SLC2A11: variants seen among roughly 807,000 people sequenced by gnomAD.
SLC2A11 encodes the protein solute carrier family 2, facilitated glucose transporter member 11.
In SLC2A11, 43 loss-of-function variants were observed where a neutral mutation model predicts 52.1. That is an observed-to-expected ratio of 0.82 (90% CI 0.65 to 1.06). The LOEUF (loss-of-function observed/expected upper bound fraction) is 1.06. Among genes scored for constraint, SLC2A11 ranks in the 50% least tolerant of loss-of-function variants. The pLI is 0.00. For missense variants in SLC2A11, 582 were observed against 654.2 expected (o/e 0.89, Z 1.20); for synonymous variants, 261 against 277.6 (o/e 0.94, Z 0.59).
Position 23,882,774 on chromosome 22 carries a change from T to G in SLC2A11, c.898T>G (p.Ser300Ala). The G allele has an allele frequency of 4.3e-6, 7 of 1,613,022 alleles. No individual in the cohort carries two copies. The highest frequency in any genetic ancestry group is 5.9e-6 in the Non-Finnish European group (7 of 1,179,534). Residue 300 changes from serine (S) to alanine (A), a missense_variant, in exon 8 of 12, where the codon TCC becomes GCC. Ser to Ala is a moderately conservative substitution (Grantham distance 99). Transcript: ENST00000316185. ...CCTCTCCCAGGTGTACGCCTACGCC[T>G]CCTCCGTGTTCCGGAAGGCAGGAGT... is the stretch of plus-strand genomic sequence containing the variant. ...CGNDSVYAYA[S>A]SVFRKAGVPE...
chr22:23,879,059 G>A (rs771197314), intron 6 of SLC2A11, among the ~76,000 whole-genome samples: 1 of 152,170 alleles, frequency 6.6e-6, no homozygotes, highest in Admixed American at 6.5e-5. Flanking sequence ...CTGCCTTGGG[G>A]GTAGGGAGTA....
rs192262731 is a variant in SLC2A11 at position 23,869,090 on chromosome 22, A to T, written c.290+449A>T. On this transcript the variant is annotated intron_variant, in intron 3 of 11. Transcript: ENST00000316185. ...CCTGGTGAGGCATGGTGGCTCACCC[A>T]CATAATCCCAGCATTTTGGGAGGCT... 204 of 168,608 alleles carry T rather than the reference A, an allele frequency of 1.2e-3. 2 individuals carry two copies. Among genetic ancestry groups the T allele is most frequent in the African/African-American group, 4.5e-3 (190 of 42,210 alleles). 10.4% of individuals were successfully genotyped at this position (168,608 alleles called of 1,614,324 possible). A position where few individuals can be genotyped will look rare whatever the true frequency, so the allele number is the denominator to read the frequency against.
At position 23,875,129 on chromosome 22, in the gene SLC2A11, C is replaced by G. The variant is rs752021466; in HGVS notation, c.303C>G (p.Leu101=). ...LAITLGRKKS[L]LVNNIFVVSA... The stretch of plus-strand genomic sequence containing the variant: ...CACTTCCCCCAAGGAAGAAGTCCCT[C>G]CTGGTGAATAACATCTTTGTGGTGT... The change falls in exon 4 of 12, where the codon CTC becomes CTG. Residue 101 remains leucine, a synonymous_variant. Coordinates refer to ENST00000316185, the MANE Select transcript of SLC2A11 (RefSeq NM_001024939.4). 1 of 1,591,830 alleles carries G rather than the reference C, an allele frequency of 6.3e-7. No homozygotes were observed.
At chr22:23,871,760 G>A (rs989873093) in intron 3 of SLC2A11, 4 of 151,902 alleles carry the variant, frequency 2.6e-5, no homozygotes, top group African/African-American at 9.7e-5. Context: ...AAAAGCCCAT[G>A]CTAAAAAATC....
rs182920717 is a variant in SLC2A11 at position 23,868,484 on chromosome 22, A to C, written c.133A>C (p.Ile45Leu). ...TGACTGGCATTTCTGTCCACAGCACATTCAGGAATTCACCAATGAGACATG... is the reference window on the plus strand; with the variant it reads ...TGACTGGCATTTCTGTCCACAGCACCTTCAGGAATTCACCAATGAGACATG... ...LSIINAPTLH[I>L]QEFTNETWQA... Residue 45 changes from isoleucine to leucine, a missense_variant, in exon 3 of 12, where the codon ATT becomes CTT. Physicochemically the swap from Ile to Leu is conservative, Grantham distance 5. Coordinates refer to ENST00000316185, the MANE Select transcript of SLC2A11 (RefSeq NM_001024939.4). The C allele has an allele frequency of 2.5e-6, 4 of 1,614,080 alleles. No individual in the cohort carries two copies. Among genetic ancestry groups the C allele is most frequent in the Admixed American group, 1.7e-5 (1 of 60,006 alleles).
rs776650445 is a variant in SLC2A11 at position 23,882,558 on chromosome 22, G to A, written c.794G>A (p.Trp265Ter). The change falls in exon 7 of 12, where the codon TGG becomes TAG. Residue 265 changes from tryptophan to a stop codon, truncating the protein, a stop_gained. Transcript: ENST00000316185. LOFTEE classifies it high-confidence loss of function. Reference protein sequence around the residue: ...ACQGCRARRPWELFQHRALRR... With the variant: ...ACQGCRARRP Reference sequence around the variant, plus strand: ...CAGGGCTGCCGTGCCCGGCGCCCATGGGAGCTGTTCCAGCATCGGGCCCTG... The same window carrying A: ...CAGGGCTGCCGTGCCCGGCGCCCATAGGAGCTGTTCCAGCATCGGGCCCTG... 2 of 1,612,094 alleles carry A rather than the reference G, an allele frequency of 1.2e-6. No homozygotes were observed. The highest frequency in any genetic ancestry group is 2.2e-5 in the East Asian group (1 of 44,810).
At chr22:23,870,286 A>G in intron 3 of SLC2A11, 2 of 524,924 alleles carry the variant, frequency 3.8e-6, no homozygotes, top group Non-Finnish European at 6.7e-6. Context: ...CAAGTTTAGC[A>G]TGTATGCCTA....
chr22:23,864,226 G>T (rs1029282255), intron 2 of SLC2A11, among the ~76,000 whole-genome samples: 1 of 152,152 alleles, frequency 6.6e-6, no homozygotes, highest in African/African-American at 2.4e-5. Context: ...GCAGAAGATA[G>T]AGGTGGGGAT....
At position 23,858,017 on chromosome 22, in the gene SLC2A11, G is replaced by A. The variant is rs1296450282; in HGVS notation, c.18G>A (p.Leu6=). ...TCTTTCGAATGCTCCACGCCCTCCT[G>A]CGATCTAGAATGGTATGAATTCTCA... MLHAL[L]RSRMIQGRIL... Residue 6 remains leucine, a synonymous_variant, in exon 1 of 12, where the codon CTG becomes CTA. Coordinates refer to ENST00000316185, the MANE Select transcript of SLC2A11 (RefSeq NM_001024939.4). 6.3e-7 allele frequency: 1 copy of A among 1,576,398 alleles called. No homozygotes were observed. The highest frequency in any genetic ancestry group is 1.4e-5 in the African/African-American group (1 of 73,698).
At chr22:23,861,313 AAAG>A (rs1402487201) in intron 1 of SLC2A11, among the ~76,000 whole-genome samples, 34 of 73,382 alleles carry the variant, frequency 4.6e-4, no homozygotes, top group South Asian at 3.9e-3. Flanking sequence ...AAAAAAAAAA[AAAG>A]AAAATCCCAA....
chr22:23,867,693 G>A (rs760031062), intron 2 of SLC2A11: 25 of 470,424 alleles, frequency 5.3e-5, no homozygotes, highest in South Asian at 3.9e-4. Flanking sequence ...GAAAGGGAGA[G>A]GAGCTGAAGA....
Position 23,868,481 on chromosome 22 carries a change from C to T in SLC2A11, c.130C>T (p.His44Tyr), listed in dbSNP as rs1241834724. ...GGCTGACTGGCATTTCTGTCCACAG[C>T]ACATTCAGGAATTCACCAATGAGAC... ...NLSIINAPTLHIQEFTNETWQ... is the reference protein window; with the variant it reads ...NLSIINAPTLYIQEFTNETWQ... Residue 44 changes from histidine to tyrosine, a missense_variant and splice_region_variant, in exon 3 of 12, where the codon CAC becomes TAC. Coordinates refer to ENST00000316185, the MANE Select transcript of SLC2A11 (RefSeq NM_001024939.4). 6.2e-7 allele frequency: 1 copy of T among 1,613,982 alleles called. No homozygotes were observed. Among genetic ancestry groups the T allele is most frequent in the African/African-American group, 1.3e-5 (1 of 74,924 alleles).
intron 4 of SLC2A11, 76 bp from the exon 5 acceptor site, chr22:23,876,966 A>G (rs1293051928): frequency 6.2e-7 from 1 of 1,607,756 alleles, no homozygotes; most frequent in Non-Finnish European, 8.5e-7. Context: ...TGAGTGGGGC[A>G]GGGGAGACAG....
chr22:23,884,277 C>A lies in SLC2A11; in HGVS notation c.1172-25C>A. On this transcript the variant is annotated intron_variant, in intron 10 of 11. Coordinates refer to ENST00000316185, the MANE Select transcript of SLC2A11 (RefSeq NM_001024939.4). This position sits in a 1 kb window ranked among gnomAD's most constrained non-coding sequence, Gnocchi z 4.3. Reference sequence around the variant, plus strand: ...CAGGCAGGGAACCCTGGCCAGCAGCCCCCTGTCCCTGCCCCTCCTTCTAGC... The same window carrying A: ...CAGGCAGGGAACCCTGGCCAGCAGCACCCTGTCCCTGCCCCTCCTTCTAGC... 2 of 1,605,198 alleles carry A rather than the reference C, an allele frequency of 1.2e-6. No homozygotes were observed. Among genetic ancestry groups the A allele is most frequent in the Non-Finnish European group, 8.5e-7 (1 of 1,174,876 alleles).
chr22:23,870,200 G>C (rs913416506), intron 3 of SLC2A11: 1 of 605,722 alleles, frequency 1.7e-6, no homozygotes, highest in Non-Finnish European at 3.0e-6. Context: ...AGAAGACGGA[G>C]GTAATAACTA....
At chr22:23,856,941 C>A, upstream of SLC2A11, 8 of 1,608,142 alleles carry the variant, frequency 5.0e-6, no homozygotes, top group Non-Finnish European at 6.8e-6. Context: ...CGCATTCCGC[C>A]AAGTCTCTCG....
At chr22:23,858,764 C>CT (rs1429870811) in intron 1 of SLC2A11, among the ~76,000 whole-genome samples, 2 of 152,110 alleles carry the variant, frequency 1.3e-5, no homozygotes, top group African/African-American at 4.8e-5. Flanking sequence ...TTCCTACGCC[C>CT]CTTCACTGCT....
chr22:23,858,054 A>C (rs1452310805), intron 1 of SLC2A11, 25 bp downstream of exon 1: 1 of 1,553,572 alleles, frequency 6.4e-7, no homozygotes, highest in Admixed American at 1.9e-5. Context: ...ACTTGCCCAG[A>C]CCAGGCGTTT....
upstream of SLC2A11, chr22:23,857,746 C>G (rs953451504): frequency 5.3e-6 from 7 of 1,331,426 alleles, no homozygotes; most frequent in African/African-American, 1.5e-5. Flanking sequence ...GGCCTTAGTC[C>G]CGGCCATCGT....
Sources: allele counts gnomAD v4.1 joint callset (sites outside exome capture counted in the v4.1 genomes callset), GRCh38; gene constraint gnomAD v4.1.1; non-coding constraint Gnocchi (gnomAD v3.1); transcripts MANE v1.5; gene names NCBI Gene and HGNC (gene_info 2026-07-23, HGNC 2026-07-21).